SAMMSON: variants seen among roughly 807,000 people sequenced by gnomAD.
SAMMSON encodes the protein survival associated mitochondrial melanoma specific oncogenic non-coding RNA.
At position 70,263,135 on chromosome 3, in the gene SAMMSON, C is replaced by G. The variant is rs550294197; in HGVS notation, n.674+13465C>G. ...TATAATAGTTGTTTTGATACCCTGA[C>G]TATAAACTCTATATTTGTCATTAAT... On this transcript the variant is annotated intron_variant and non_coding_transcript_variant, in intron 6 of 9. Transcript: ENST00000642114. 1.1e-4 allele frequency among the ~76,000 whole-genome samples: 16 copies of G among 152,166 alleles called. No homozygotes were observed. In the East Asian group the frequency reaches 3.1e-3, roughly 29 times the overall value.
intron 6 of SAMMSON, among the ~76,000 whole-genome samples, chr3:70,259,576 T>A (rs1338166796): frequency 6.6e-6 from 1 of 152,092 alleles, no homozygotes; most frequent in Non-Finnish European, 1.5e-5. Flanking sequence ...TGTGAAATAT[T>A]TTTAATTTAC....
At chr3:70,128,399 A>G (rs1001528325) in intron 4 of SAMMSON, among the ~76,000 whole-genome samples, 1 of 152,328 alleles carries the variant, frequency 6.6e-6, no homozygotes, top group African/African-American at 2.4e-5. Context: ...GGTTAAATAT[A>G]TACTTCACAG....
intron 1 of SAMMSON, chr3:69,999,970 A>G (rs188777240): frequency 1.3e-5 from 2 of 152,334 alleles, no homozygotes; most frequent in East Asian, 1.9e-4. Flanking sequence ...CCGGAGAGCT[A>G]CTTCCACTCA....
intron 6 of SAMMSON, among the ~76,000 whole-genome samples, chr3:70,269,312 T>A (rs920671064): frequency 1.3e-5 from 2 of 152,212 alleles, no homozygotes; most frequent in Non-Finnish European, 2.9e-5. Flanking sequence ...CATTATATAT[T>A]TCACATTCGA....
intron 4 of SAMMSON, among the ~76,000 whole-genome samples, chr3:70,194,811 T>TAC (rs1234916658): frequency 6.6e-6 from 1 of 152,146 alleles, no homozygotes; most frequent in Non-Finnish European, 1.5e-5. Context: ...TCACCAATGA[T>TAC]ACCAGGTACC....
intron 3 of SAMMSON, among the ~76,000 whole-genome samples, chr3:70,023,077 A>C (rs1276729908): frequency 6.6e-6 from 1 of 152,166 alleles, no homozygotes; most frequent in South Asian, 2.1e-4. Context: ...ACCTCATCTC[A>C]TAATCTCTGC....
chr3:70,380,300 C>T (rs1184813687), intron 9 of SAMMSON, among the ~76,000 whole-genome samples: 1 of 151,974 alleles, frequency 6.6e-6, no homozygotes, highest in Non-Finnish European at 1.5e-5. Context: ...TATTGTTAAA[C>T]ACCTGAATTT....
At chr3:70,206,256 T>A (rs1412846770) in intron 4 of SAMMSON, among the ~76,000 whole-genome samples, 2 of 152,090 alleles carry the variant, frequency 1.3e-5, no homozygotes, top group African/African-American at 4.8e-5. Flanking sequence ...TAGTTCCATG[T>A]CTGAGGAGAG....
intron 4 of SAMMSON, among the ~76,000 whole-genome samples, chr3:70,241,965 A>G (rs535403685): frequency 5.6e-4 from 86 of 152,300 alleles, no homozygotes; most frequent in African/African-American, 2.0e-3. Context: ...TTAGGCCCTT[A>G]GAGTTTATTA....
At position 70,217,126 on chromosome 3, in the gene SAMMSON, C is replaced by T. The variant is rs115919540; in HGVS notation, n.508-31981C>T. ...TTCCCACCCTTGACCAAAATGCTGC[C>T]TAATGAAAGTTTGTCTGTGTCAATT... On this transcript the variant is annotated intron_variant and non_coding_transcript_variant, in intron 4 of 9. Transcript: ENST00000642114. Among the ~76,000 whole-genome samples, 491 of 152,098 alleles carry T rather than the reference C, an allele frequency of 3.2e-3. 3 individuals are homozygous for T. Among genetic ancestry groups the T allele is most frequent in the African/African-American group, 0.011 (468 of 41,504 alleles).
intron 2 of SAMMSON, among the ~76,000 whole-genome samples, chr3:70,395,675 G>A (rs1389474774): frequency 6.6e-6 from 1 of 152,010 alleles, no homozygotes; most frequent in African/African-American, 2.4e-5. Flanking sequence ...AAGAATAATG[G>A]GTTTAAGGAA....
At chr3:70,291,949 G>C (rs144611116) in intron 7 of SAMMSON, 2 of 152,150 alleles carry the variant, frequency 1.3e-5, no homozygotes, top group Non-Finnish European at 2.9e-5. Context: ...CAGTGGTCCT[G>C]CTTTATTTCT....
At chr3:70,248,105 G>A (rs1283253544) in intron 4 of SAMMSON, among the ~76,000 whole-genome samples, 2 of 152,046 alleles carry the variant, frequency 1.3e-5, no homozygotes, top group African/African-American at 4.8e-5. Flanking sequence ...CAGACACTGT[G>A]CTAGACAATG....
chr3:70,320,976 G>A (rs1702534761), intron 7 of SAMMSON, among the ~76,000 whole-genome samples: 1 of 151,998 alleles, frequency 6.6e-6, no homozygotes, highest in East Asian at 1.9e-4. Context: ...TGTTAAACAA[G>A]TTAATGAAAG....
At chr3:70,244,363 A>G (rs528162182) in intron 4 of SAMMSON, among the ~76,000 whole-genome samples, 6 of 152,294 alleles carry the variant, frequency 3.9e-5, no homozygotes, top group Admixed American at 6.5e-5. Flanking sequence ...AGTTACATCT[A>G]TTATATTTAA....
At chr3:70,124,921 G>C (rs2067450333) in intron 4 of SAMMSON, 1 of 482,250 alleles carries the variant, frequency 2.1e-6, no homozygotes, top group Admixed American at 3.7e-5. Flanking sequence ...CCAATACACT[G>C]ATTTAAAGGC....
At chr3:70,380,035 C>A in intron 9 of SAMMSON, among the ~76,000 whole-genome samples, 1 of 150,546 alleles carries the variant, frequency 6.6e-6, no homozygotes, top group African/African-American at 2.4e-5. Flanking sequence ...AAGTTAAAGC[C>A]AAAATGAAAA....
At chr3:70,236,356 ACTT>A (rs1177293926) in intron 4 of SAMMSON, among the ~76,000 whole-genome samples, 2 of 152,128 alleles carry the variant, frequency 1.3e-5, no homozygotes, top group Non-Finnish European at 2.9e-5. Flanking sequence ...ATATATATTC[ACTT>A]CTTGTATATT....
chr3:70,159,995 A>C (rs2067608492), intron 4 of SAMMSON, among the ~76,000 whole-genome samples: 9 of 152,014 alleles, frequency 5.9e-5, no homozygotes, highest in Admixed American at 5.9e-4. Flanking sequence ...TTTTTTGATT[A>C]GATTGTCTTA....
Sources: allele counts gnomAD v4.1 joint callset (sites outside exome capture counted in the v4.1 genomes callset), GRCh38; gene constraint gnomAD v4.1.1; transcripts MANE v1.5; gene names NCBI Gene and HGNC (gene_info 2026-07-23, HGNC 2026-07-21).